CLCNKA: variants seen among roughly 807,000 people sequenced by gnomAD.
CLCNKA encodes the protein chloride channel protein ClC-Ka.
Under a neutral mutation model 83.3 loss-of-function variants are expected in CLCNKA, and 66 were observed. That is an observed-to-expected ratio of 0.79 (90% CI 0.65 to 0.97). The LOEUF is 0.97. CLCNKA is among the 50% of genes least tolerant of loss of function. The pLI is 0.00. For synonymous variants in CLCNKA, 357 were observed against 370.4 expected (o/e 0.96, Z 0.42); for missense variants, 806 against 888.7 (o/e 0.91, Z 1.18).
Position 16,032,433 on chromosome 1 carries a change from C to T in CLCNKA, c.1846-10C>T. On this transcript the variant is annotated splice_polypyrimidine_tract_variant and intron_variant, in intron 17 of 19. Transcript: ENST00000331433. ...CCGGCCCTGCACCCATAACTCTTCCCCACTCCCAGCAGTGTCTCCAGGACA... is the reference window on the plus strand; with the variant it reads ...CCGGCCCTGCACCCATAACTCTTCCTCACTCCCAGCAGTGTCTCCAGGACA... 1 of 1,610,032 alleles carries T rather than the reference C, an allele frequency of 6.2e-7. No individual in the cohort carries two copies. Among genetic ancestry groups the T allele is most frequent in the Non-Finnish European group, 8.5e-7 (1 of 1,177,046 alleles).
rs765308430 is a variant in CLCNKA, at chr1:16,024,842, C to T, written c.309C>T (p.Leu103=). Residue 103 remains leucine (L), a synonymous_variant, in exon 4 of 20, where the codon CTC becomes CTT. Coordinates refer to ENST00000331433, the MANE Select transcript of CLCNKA (RefSeq NM_004070.4). The stretch of plus-strand genomic sequence containing the variant: ...CCTGGACTGTGTACCCTGTGGCCCT[C>T]GTCTCTTTCTCCTCAGGCTTCTCCC... The part of the protein sequence containing the change: ...YLSWTVYPVA[L]VSFSSGFSQS... The T allele has an allele frequency of 9.3e-6, 15 of 1,614,062 alleles. No individual in the cohort carries two copies. The highest frequency in any genetic ancestry group is 2.7e-5 in the African/African-American group (2 of 74,944).
At chr1:16,023,693 C>T (rs2022229373) in intron 2 of CLCNKA, 107 bp from the exon 3 acceptor site, 1 of 1,396,636 alleles carries the variant, frequency 7.2e-7, no homozygotes. Context: ...CTACCCCAGA[C>T]TCAACTACCA....
chr1:16,031,675 A>C (rs1570311706), intron 15 of CLCNKA, 35 bp from the exon 16 acceptor site: 1 of 1,613,066 alleles, frequency 6.2e-7, no homozygotes, highest in Non-Finnish European at 8.5e-7. Context: ...GACATCCCCG[A>C]CTCCGGGACC....
intron 18 of CLCNKA, 26 bp from the exon 19 acceptor site, chr1:16,033,144 G>C: frequency 6.2e-7 from 1 of 1,612,438 alleles, no homozygotes; most frequent in Non-Finnish European, 8.5e-7. Flanking sequence ...CTACCCTCCA[G>C]TGTTTCCTAA....
At chr1:16,033,455 G>A (rs2022718198) in intron 19 of CLCNKA, among the ~76,000 whole-genome samples, 156 bp from the exon 20 acceptor site, 1 of 152,126 alleles carries the variant, frequency 6.6e-6, no homozygotes, top group African/African-American at 2.4e-5. Context: ...TGGCCAGCCT[G>A]CCCTTCTCGG....
chr1:16,028,627 C>A, intron 10 of CLCNKA, 134 bp from the exon 11 acceptor site: 2 of 1,135,898 alleles, frequency 1.8e-6, no homozygotes, highest in Non-Finnish European at 1.3e-6. Flanking sequence ...CCCGCCCTTC[C>A]TCCTCACCAG....
intron 3 of CLCNKA, among the ~76,000 whole-genome samples, chr1:16,024,487 G>C (rs979540626): frequency 6.6e-6 from 1 of 152,264 alleles, no homozygotes; most frequent in Non-Finnish European, 1.5e-5. Flanking sequence ...GAGCCTGTGA[G>C]GAAGAGCCAA....
chr1:16,031,519 C>A (rs748053449), intron 15 of CLCNKA, among the ~76,000 whole-genome samples, 191 bp from the exon 16 acceptor site: 4 of 152,166 alleles, frequency 2.6e-5, no homozygotes, highest in African/African-American at 7.2e-5. Context: ...ACTGGGCCAT[C>A]AGTAATGTGG....
rs540395494 is a variant in CLCNKA, at chr1:16,026,782, C to A, written c.655+7C>A. 5 of 1,604,246 alleles carry A rather than the reference C, an allele frequency of 3.1e-6. No homozygotes were observed. In the African/African-American group the frequency reaches 5.3e-5, roughly 17 times the overall value. On this transcript the variant is annotated splice_region_variant and intron_variant, in intron 7 of 19. Transcript: ENST00000331433. ...TTTGCAGCTCCCTTCAGCGGTGAGA[C>A]CCCCCTCATGCCCCGCCCCCTGGGT...
chr1:16,027,014 A>C (rs1206781748), intron 7 of CLCNKA: 3 of 652,370 alleles, frequency 4.6e-6, no homozygotes, highest in Non-Finnish European at 7.9e-6. Flanking sequence ...TGGGTTTGAA[A>C]TCCACTGGCC....
rs7411607 is a variant in CLCNKA at position 16,030,002 on chromosome 1, C to G, written c.1335C>G (p.Ala445=). 123,729 of 1,573,816 alleles carry G rather than the reference C, an allele frequency of 0.079. 6,621 individuals carry two copies. Among genetic ancestry groups the G allele is most frequent in the African/African-American group, 0.086 (6,359 of 74,282 alleles). Residue 445 remains alanine (A), a synonymous_variant, in exon 14 of 20, where the codon GCC becomes GCG. Transcript: ENST00000331433. ...GGCGCCTCTTGGGAGAGGCTCTTGCCGTCGCCTTCCCTGAGGGCATTGTGA... is the reference window on the plus strand; with the variant it reads ...GGCGCCTCTTGGGAGAGGCTCTTGCGGTCGCCTTCCCTGAGGGCATTGTGA... ...AIGRLLGEAL[A]VAFPEGIVTG...
intron 3 of CLCNKA, 69 bp from the exon 4 acceptor site, chr1:16,024,694 G>T: frequency 6.2e-7 from 1 of 1,602,372 alleles, no homozygotes; most frequent in South Asian, 1.1e-5. Context: ...CAGTAAGTGG[G>T]CACCACAGTG....
At position 16,022,630 on chromosome 1, in the gene CLCNKA, T is replaced by C; in HGVS notation, c.11T>C (p.Leu4Ser). 1.3e-6 allele frequency: 2 copies of C among 1,565,992 alleles called. No homozygotes were observed. The highest frequency in any genetic ancestry group is 1.7e-6 in the Non-Finnish European group (2 of 1,154,842). The stretch of plus-strand genomic sequence containing the variant: ...TTCTCCAGGGGCCTGATGGAGGAGT[T>C]GGTGGGGCTGCGTGAGGGCTTCTCA... MEELVGLREGFSGD... is the reference protein window; with the variant it reads MEESVGLREGFSGD... Residue 4 changes from leucine to serine, a missense_variant, in exon 2 of 20, where the codon TTG (leucine) becomes TCG (serine). By Grantham distance (145) the Leu-to-Ser change is moderately radical. Coordinates refer to ENST00000331433, the MANE Select transcript of CLCNKA (RefSeq NM_004070.4).
chr1:16,033,553 C>CGGG, intron 19 of CLCNKA, 58 bp from the exon 20 acceptor site: 1 of 611,798 alleles, frequency 1.6e-6, no homozygotes, highest in Non-Finnish European at 3.1e-6. Context: ...AATGCTGGAG[C>CGGG]CCCCCTCACA....
intron 4 of CLCNKA, 112 bp downstream of exon 4, chr1:16,025,003 A>T: frequency 6.9e-7 from 1 of 1,443,082 alleles, no homozygotes; most frequent in South Asian, 1.2e-5. Flanking sequence ...AGCCCAGAAG[A>T]GTTATGTGGC....
At chr1:16,027,727 C>T in intron 8 of CLCNKA, 94 bp from the exon 9 acceptor site, 2 of 1,437,276 alleles carry the variant, frequency 1.4e-6, no homozygotes, top group Non-Finnish European at 1.9e-6. Flanking sequence ...GAGTCAGGAC[C>T]TGGCACCCCC....
At position 16,027,441 on chromosome 1, in the gene CLCNKA, C is replaced by T. The variant is rs867883467; in HGVS notation, c.781+6C>T. On this transcript the variant is annotated splice_donor_region_variant and intron_variant, in intron 8 of 19. Transcript: ENST00000331433. ...AGTCTTCAACAGCGAGCAGGGTGAG[C>T]CCCCTGGGCTGCCTGACCCTGGCCC... 9.9e-6 allele frequency: 16 copies of T among 1,613,444 alleles called. No homozygotes were observed. The highest frequency in any genetic ancestry group is 1.3e-5 in the Non-Finnish European group (15 of 1,179,898).
In CLCNKA at chr1:16,027,404, C is replaced by G. The variant is rs745365686; in HGVS notation, c.750C>G (p.Phe250Leu). ...CGGCCACCTGCGGGGCCTTCATATT[C>G]CGGCTCCTGGCAGTCTTCAACAGCG... ...FFAATCGAFI[F>L]RLLAVFNSEQ... The change falls in exon 8 of 20, where the codon TTC (phenylalanine) becomes TTG (leucine). Residue 250 changes from phenylalanine (F) to leucine (L), a missense_variant. Coordinates refer to ENST00000331433, the MANE Select transcript of CLCNKA (RefSeq NM_004070.4). 7 of 1,613,956 alleles carry G rather than the reference C, an allele frequency of 4.3e-6. No homozygotes were observed. The Admixed American group carries it at 5.0e-5, about 12-fold the overall frequency.
At position 16,028,463 on chromosome 1, in the gene CLCNKA, C is replaced by T. The variant is rs12138073; in HGVS notation, c.969-298C>T. 0.085 allele frequency: 52,004 copies of T among 615,290 alleles called. 2,621 individuals are homozygous for T. Among genetic ancestry groups the T allele is most frequent in the Non-Finnish European group, 0.1 (34,331 of 340,374 alleles). 38.1% of individuals were successfully genotyped at this position (615,290 alleles called of 1,614,324 possible). Reference sequence around the variant, plus strand: ...TCCTGCCCCGGAGATGCACATGGCCCGCCCCGGCCCGGCCCACTGTCTCCT... The same window carrying T: ...TCCTGCCCCGGAGATGCACATGGCCTGCCCCGGCCCGGCCCACTGTCTCCT... On this transcript the variant is annotated intron_variant, in intron 10 of 19. Coordinates refer to ENST00000331433, the MANE Select transcript of CLCNKA (RefSeq NM_004070.4).
Sources: gnomAD v4.1 joint callset for allele counts (sites outside exome capture counted in the v4.1 genomes callset) on GRCh38, gnomAD v4.1.1 for gene constraint, MANE v1.5 for transcripts, NCBI Gene and HGNC (gene_info 2026-07-23, HGNC 2026-07-21) for gene names.